BIRC6: variants seen among roughly 807,000 people sequenced by gnomAD.
The protein encoded by BIRC6 is baculoviral IAP repeat containing 6.
A neutral mutation model predicts 503.3 loss-of-function variants in BIRC6; 98 were observed. The ratio of observed to expected loss-of-function variants is 0.19; its 90% CI spans 0.17 to 0.23. BIRC6 has a LOEUF of 0.23. Ranked by LOEUF, BIRC6 falls within the 10% of genes least tolerant of loss-of-function variation. The pLI is 1.00. For missense variants in BIRC6, 5,360 were observed against 5,806.0 expected, an observed-to-expected ratio of 0.92 and a Z score of 2.50; for synonymous variants, 2,240 against 2,078.7, an observed-to-expected ratio of 1.08 and a Z score of -2.11.
In BIRC6 at chr2:32,443,544, C is replaced by T. The variant is rs1456689603; in HGVS notation, c.4292C>T (p.Ala1431Val). 5 of 1,609,296 alleles carry T rather than the reference C, an allele frequency of 3.1e-6. No individual in the cohort carries two copies. The highest frequency in any genetic ancestry group is 1.3e-5 in the African/African-American group (1 of 74,820). Residue 1431 changes from alanine to valine, a missense_variant, in exon 20 of 74, where the codon GCT (alanine) becomes GTT (valine). By Grantham distance (64) the Ala-to-Val change is moderately conservative (BLOSUM62 0). Around this residue, in one of 16 missense-constraint regions of BIRC6, gnomAD observed 2,299 missense variants for 2,267.2 expected, o/e 1.01. Transcript: ENST00000421745. ...GCATTTGGACCTGTTCTGTTGAAGG[C>T]TTTACTTGATAATATGTCATTTTTA... ...QPAFGPVLLK[A>V]LLDNMSFLPA...
At position 32,415,196 on chromosome 2, in the gene BIRC6, C is replaced by T. The variant is rs1040093828; in HGVS notation, c.1905C>T (p.Ile635=). Residue 635 remains isoleucine, a synonymous_variant, in exon 10 of 74, where the codon ATC becomes ATT. Transcript: ENST00000421745. ...RTLPVLLLYS[I]KESDEKAGKI... ...TACCGGTTTTGCTTCTTTATAGCAT[C>T]AAGGAATCTGATGAGAAAGCAGGAA... 6.2e-7 allele frequency: 1 copy of T among 1,613,890 alleles called. No homozygotes were observed. Among genetic ancestry groups the T allele is most frequent in the Non-Finnish European group, 8.5e-7 (1 of 1,179,860 alleles).
In BIRC6 at chr2:32,357,493, C is replaced by G; in HGVS notation, c.325+7C>G. ...CAGGCCTCCGCGCTCAGTGGTGAGT[C>G]TTCCGCACGCCGGGCGGGCGCGAAG... On this transcript the variant is annotated splice_region_variant and intron_variant, in intron 1 of 73. Coordinates refer to ENST00000421745, the MANE Select transcript of BIRC6 (RefSeq NM_016252.4). This position sits in a 1 kb window ranked among gnomAD's most constrained non-coding sequence, Gnocchi z 4.9. 2 of 1,540,484 alleles carry G rather than the reference C, an allele frequency of 1.3e-6. No individual in the cohort carries two copies. The highest frequency in any genetic ancestry group is 1.7e-6 in the Non-Finnish European group (2 of 1,143,468).
At position 32,513,028 on chromosome 2, in the gene BIRC6, C is replaced by T; in HGVS notation, c.10442C>T (p.Thr3481Ile). 6.2e-7 allele frequency: 1 copy of T among 1,613,932 alleles called. No homozygotes were observed. Among genetic ancestry groups the T allele is most frequent in the Non-Finnish European group, 8.5e-7 (1 of 1,179,840 alleles). ...AACTACATGTGTCCTAACTCCTCAACAGTAGAGTATGGTCTTCTGATGCCA... is the reference window on the plus strand; with the variant it reads ...AACTACATGTGTCCTAACTCCTCAATAGTAGAGTATGGTCTTCTGATGCCA... ...RMNYMCPNSS[T>I]VEYGLLMPSP... Residue 3481 changes from threonine to isoleucine, a missense_variant, in exon 54 of 74, where the codon ACA becomes ATA. Thr to Ile is a moderately conservative substitution (Grantham distance 89). This residue lies in a region of BIRC6 where 878 missense variants were observed against 928.9 expected (regional missense o/e 0.95). Coordinates refer to ENST00000421745, the MANE Select transcript of BIRC6 (RefSeq NM_016252.4).
chr2:32,556,383 C>T (rs957203595), intron 65 of BIRC6, among the ~76,000 whole-genome samples: 1 of 152,160 alleles, frequency 6.6e-6, no homozygotes, highest in Non-Finnish European at 1.5e-5. Context: ...TTCTTGACTA[C>T]CCAGCGTAGT....
intron 43 of BIRC6, among the ~76,000 whole-genome samples, chr2:32,490,726 TTTC>T (rs2051600337): frequency 6.6e-6 from 1 of 152,214 alleles, no homozygotes; most frequent in South Asian, 2.1e-4. Context: ...GGTTTTTACA[TTTC>T]ATCTAAGTTT....
chr2:32,515,692 A>T lies in BIRC6; in HGVS notation c.11271A>T (p.Thr3757=). The T allele has an allele frequency of 1.2e-6, 2 of 1,605,106 alleles. No individual in the cohort carries two copies. The highest frequency in any genetic ancestry group is 1.7e-6 in the Non-Finnish European group (2 of 1,179,830). ...CAGGACTGACTACTCAACAGCGCAC[A>T]GCAATTGAGAATGCAACTGTTGCGT... ...ATTGLTTQQR[T]AIENATVAFF... is the part of the protein sequence containing the mutation. The change falls in exon 55 of 74, where the codon ACA becomes ACT. Residue 3757 remains threonine, a synonymous_variant. Coordinates refer to ENST00000421745, the MANE Select transcript of BIRC6 (RefSeq NM_016252.4).
intron 63 of BIRC6, 137 bp downstream of exon 63, chr2:32,545,997 G>T: frequency 1.2e-6 from 1 of 815,882 alleles, no homozygotes; most frequent in Non-Finnish European, 1.9e-6. Context: ...ATTTAAAACA[G>T]AAATTGTAAA....
chr2:32,551,805 A>T (rs2058443513), intron 65 of BIRC6, among the ~76,000 whole-genome samples: 1 of 152,128 alleles, frequency 6.6e-6, no homozygotes, highest in Non-Finnish European at 1.5e-5. Flanking sequence ...TGTAATCTGG[A>T]AGAGTTCCTA....
chr2:32,452,177 C>G (rs1574312645), intron 22 of BIRC6, among the ~76,000 whole-genome samples: 1 of 152,162 alleles, frequency 6.6e-6, no homozygotes, highest in Non-Finnish European at 1.5e-5. Flanking sequence ...TCACCCACTT[C>G]TGCTAAAACA....
chr2:32,548,281 C>T (rs1425330800), intron 64 of BIRC6, among the ~76,000 whole-genome samples: 4 of 147,108 alleles, frequency 2.7e-5, no homozygotes, highest in African/African-American at 1.0e-4. Context: ...CATCTTCCTA[C>T]AGGCATTTTC....
At chr2:32,389,037 A>T in intron 4 of BIRC6, 94 bp downstream of exon 4, 1 of 891,784 alleles carries the variant, frequency 1.1e-6, no homozygotes, top group Non-Finnish European at 1.5e-6. Context: ...TATGATTTTT[A>T]AAAATTTCAC....
At chr2:32,406,455 C>T in intron 8 of BIRC6, 44 bp from the exon 9 acceptor site, 1 of 1,461,296 alleles carries the variant, frequency 6.8e-7, no homozygotes, top group Non-Finnish European at 9.5e-7. Flanking sequence ...ATGATGTATA[C>T]TTTTTTTGAA....
chr2:32,468,336 T>C, intron 28 of BIRC6, 101 bp from the exon 29 acceptor site: 2 of 1,092,438 alleles, frequency 1.8e-6, no homozygotes, highest in Non-Finnish European at 2.6e-6. Flanking sequence ...TTTTTAATGG[T>C]TGTATGTTAA....
At chr2:32,522,070 TCCC>T (rs1158973770) in intron 57 of BIRC6, 1 of 151,960 alleles carries the variant, frequency 6.6e-6, no homozygotes, top group African/African-American at 2.4e-5. Context: ...TTTCCTCTTT[TCCC>T]CCCCATCATT....
At chr2:32,391,768 C>T (rs1007077564) in intron 4 of BIRC6, among the ~76,000 whole-genome samples, 1 of 152,192 alleles carries the variant, frequency 6.6e-6, no homozygotes, top group East Asian at 1.9e-4. Flanking sequence ...TCTTAGTGAG[C>T]TGATATATTT....
At chr2:32,358,213 G>A (rs1026608853) in intron 1 of BIRC6, among the ~76,000 whole-genome samples, 3 of 152,246 alleles carry the variant, frequency 2.0e-5, no homozygotes, top group Non-Finnish European at 4.4e-5. Flanking sequence ...GTCAGGACCT[G>A]TGGTGTATGA....
chr2:32,517,028 G>T (rs1301005833), intron 55 of BIRC6, among the ~76,000 whole-genome samples: 1 of 152,108 alleles, frequency 6.6e-6, no homozygotes, highest in East Asian at 1.9e-4. Flanking sequence ...GAAGGAGTTA[G>T]TTTTATTAAG....
chr2:32,470,384 TTA>T, intron 31 of BIRC6, 83 bp downstream of exon 31: 2 of 1,263,910 alleles, frequency 1.6e-6, no homozygotes, highest in Non-Finnish European at 1.1e-6. Flanking sequence ...CTGAAATACT[TTA>T]ATAATTATTT....
rs2057924795 is a variant in BIRC6, at chr2:32,544,627, A to G, written c.12593-1016A>G. 2.6e-5 allele frequency among the ~76,000 whole-genome samples: 4 copies of G among 151,930 alleles called. No individual in the cohort carries two copies. In the South Asian group the frequency reaches 8.3e-4, roughly 31 times the overall value. On this transcript the variant is annotated intron_variant, in intron 62 of 73. Coordinates refer to ENST00000421745, the MANE Select transcript of BIRC6 (RefSeq NM_016252.4). ...TTCACATGCCATTTAGAAAGAATAAAATGTTAAGTTCTGTACTACAAAGTA... is the reference window on the plus strand; with the variant it reads ...TTCACATGCCATTTAGAAAGAATAAGATGTTAAGTTCTGTACTACAAAGTA...
Sources: gnomAD v4.1 joint callset for allele counts (sites outside exome capture counted in the v4.1 genomes callset) on GRCh38, gnomAD v4.1.1 for gene constraint, gnomAD v4.1.1 regional missense constraint, Gnocchi (gnomAD v3.1) non-coding constraint, MANE v1.5 for transcripts, NCBI Gene and HGNC (gene_info 2026-07-23, HGNC 2026-07-21) for gene names.